The following CRYL1 variants were observed in gnomAD, a reference collection of about 807,000 sequenced individuals.
The protein encoded by CRYL1 is crystallin lambda 1, also known as lambda-crystallin homolog.
In CRYL1, 29 loss-of-function variants were observed where a neutral mutation model predicts 36.6. That is an observed-to-expected ratio of 0.79 (90% CI 0.59 to 1.08). The LOEUF (loss-of-function observed/expected upper bound fraction) is 1.08. Among genes scored for constraint, CRYL1 ranks in the 50% least tolerant of loss-of-function variants. The pLI is 0.00. For missense variants in CRYL1, 411 were observed against 407.9 expected (o/e 1.01, Z -0.06); for synonymous variants, 152 against 151.5 (o/e 1.00, Z -0.02).
chr13:20,422,134 C>T (rs767341797), intron 5 of CRYL1, among the ~76,000 whole-genome samples: 3 of 151,936 alleles, frequency 2.0e-5, no homozygotes, highest in Non-Finnish European at 4.4e-5. Flanking sequence ...CAAGGCAGGC[C>T]GATCATTTGA....
intron 5 of CRYL1, among the ~76,000 whole-genome samples, chr13:20,414,773 G>A (rs975675635): frequency 2.0e-5 from 3 of 152,220 alleles, no homozygotes; most frequent in African/African-American, 7.2e-5. Context: ...GATGGAGGCA[G>A]GCAAGCGCAG....
At position 20,415,696 on chromosome 13, in the gene CRYL1, C is replaced by G. The variant is rs1179843001; in HGVS notation, c.634-2309G>C. ...AAAGCAAACGCTTGGCCTCGCCTGC[C>G]GCAGACTCCGCCCGCTTCTAGAGGC... On this transcript the variant is annotated intron_variant, in intron 5 of 7. Transcript: ENST00000298248. This position sits in a 1 kb window ranked among gnomAD's most constrained non-coding sequence, Gnocchi z 4.1. 6.6e-6 allele frequency among the ~76,000 whole-genome samples: 1 copy of G among 152,222 alleles called. No individual in the cohort carries two copies. The highest frequency in any genetic ancestry group is 2.4e-5 in the African/African-American group (1 of 41,454).
At chr13:20,480,743 T>C (rs954329416) in intron 3 of CRYL1, among the ~76,000 whole-genome samples, 1 of 152,200 alleles carries the variant, frequency 6.6e-6, no homozygotes, top group African/African-American at 2.4e-5. Context: ...GGACCCACAA[T>C]GCTGGCCATG....
At chr13:20,468,716 C>G (rs1010039820) in intron 3 of CRYL1, among the ~76,000 whole-genome samples, 2 of 152,200 alleles carry the variant, frequency 1.3e-5, no homozygotes, top group Non-Finnish European at 1.5e-5. Flanking sequence ...AGTGATTCTC[C>G]TGCCTCAGCC....
At chr13:20,488,161 T>C (rs1438248171) in intron 3 of CRYL1, among the ~76,000 whole-genome samples, 1 of 152,134 alleles carries the variant, frequency 6.6e-6, no homozygotes, top group African/African-American at 2.4e-5. Flanking sequence ...AGACCAGGCC[T>C]GGAGAGCATC....
chr13:20,490,884 GT>G (rs577978518), intron 2 of CRYL1, among the ~76,000 whole-genome samples: 1 of 152,192 alleles, frequency 6.6e-6, no homozygotes, highest in Admixed American at 6.5e-5. Flanking sequence ...TTTGGGTTTT[GT>G]TTTGTTTTGA....
At chr13:20,432,398 T>C in intron 4 of CRYL1, 102 bp from the exon 5 acceptor site, 1 of 743,126 alleles carries the variant, frequency 1.3e-6, no homozygotes, top group Non-Finnish European at 2.2e-6. Flanking sequence ...ATCTTTGGAA[T>C]GGTGCCTTTA....
At chr13:20,475,678 A>G (rs2033151724) in intron 3 of CRYL1, among the ~76,000 whole-genome samples, 1 of 152,188 alleles carries the variant, frequency 6.6e-6, no homozygotes, top group Admixed American at 6.5e-5. Flanking sequence ...AAGAAGAGCC[A>G]TATCAGCCTC....
intron 3 of CRYL1, 151 bp from the exon 4 acceptor site, chr13:20,439,905 G>A (rs952642916): frequency 2.2e-5 from 15 of 693,616 alleles, no homozygotes; most frequent in South Asian, 7.9e-5. Flanking sequence ...CTTGGCATCT[G>A]AGAAAACAGC....
intron 3 of CRYL1, among the ~76,000 whole-genome samples, chr13:20,478,572 C>A (rs983350977): frequency 2.6e-5 from 4 of 152,100 alleles, no homozygotes; most frequent in African/African-American, 9.7e-5. Flanking sequence ...ACCTCCTGGG[C>A]TCAAGTGATC....
chr13:20,501,917 C>T (rs2033710179), intron 2 of CRYL1, among the ~76,000 whole-genome samples: 1 of 152,214 alleles, frequency 6.6e-6, no homozygotes, highest in African/African-American at 2.4e-5. Context: ...AATTAAGTTA[C>T]TGCAATGCAA....
intron 3 of CRYL1, among the ~76,000 whole-genome samples, chr13:20,483,771 G>C (rs1316368663): frequency 1.3e-5 from 2 of 152,010 alleles, no homozygotes; most frequent in African/African-American, 2.4e-5. Flanking sequence ...GAACTCCTGA[G>C]CTCAAGTAAT....
At chr13:20,419,710 G>A (rs748424203) in intron 5 of CRYL1, among the ~76,000 whole-genome samples, 1 of 152,160 alleles carries the variant, frequency 6.6e-6, no homozygotes, top group Non-Finnish European at 1.5e-5. Context: ...ACCACATCCG[G>A]CCTAGATTAA....
chr13:20,438,162 C>A (rs1461020398), intron 4 of CRYL1, among the ~76,000 whole-genome samples: 1 of 152,178 alleles, frequency 6.6e-6, no homozygotes, highest in Non-Finnish European at 1.5e-5. Context: ...TGTCCCAGGA[C>A]CATGCAGCTA....
At chr13:20,406,507 A>C (rs1414624061) in intron 6 of CRYL1, among the ~76,000 whole-genome samples, 1 of 152,170 alleles carries the variant, frequency 6.6e-6, no homozygotes, top group Non-Finnish European at 1.5e-5. Context: ...CATCTCATTT[A>C]ACCTAAGTGT....
intron 5 of CRYL1, among the ~76,000 whole-genome samples, chr13:20,427,790 A>T (rs1357896924): frequency 6.6e-6 from 1 of 151,906 alleles, no homozygotes; most frequent in Admixed American, 6.6e-5. Flanking sequence ...GAGAACAAAG[A>T]CAGAAAGAGA....
intron 5 of CRYL1, among the ~76,000 whole-genome samples, chr13:20,416,370 C>T (rs1484768656): frequency 1.3e-5 from 2 of 152,326 alleles, no homozygotes; most frequent in Admixed American, 1.3e-4. Flanking sequence ...CAGAAACTCC[C>T]GGAACCGTCA....
At chr13:20,439,542 AAC>A in intron 4 of CRYL1, 49 bp downstream of exon 4, 8 of 1,397,522 alleles carry the variant, frequency 5.7e-6, no homozygotes, top group Non-Finnish European at 6.7e-6. Context: ...AAAAAAAAAA[AAC>A]ACAGAATGAG....
intron 2 of CRYL1, among the ~76,000 whole-genome samples, chr13:20,511,612 A>T (rs9315651): frequency 0.64 from 97,623 of 152,148 alleles, 34,974 homozygotes; most frequent in Non-Finnish European, 0.79. Context: ...TTGCACAAAA[A>T]TGCAAATTCA....
Sources: allele counts gnomAD v4.1 joint callset (sites outside exome capture counted in the v4.1 genomes callset), GRCh38; gene constraint gnomAD v4.1.1; non-coding constraint Gnocchi (gnomAD v3.1); transcripts MANE v1.5; gene names NCBI Gene and HGNC (gene_info 2026-07-23, HGNC 2026-07-21).